The following PTK2 variants were observed in gnomAD, a reference collection of about 807,000 sequenced individuals.
PTK2 encodes protein tyrosine kinase 2, also known as focal adhesion kinase 1.
Under a neutral mutation model 150.1 loss-of-function variants are expected in PTK2, and 45 were observed. The observed-to-expected ratio is 0.30, with a 90% CI of 0.24 to 0.38. PTK2 has a LOEUF of 0.38. Among genes scored for constraint, PTK2 ranks in the 10% least tolerant of loss-of-function variants. The pLI, the probability that PTK2 is intolerant of heterozygous loss-of-function variation, is 1.00. For synonymous variants in PTK2, 432 were observed against 449.2 expected (o/e 0.96, Z 0.48); for missense variants, 919 against 1,307.3 (o/e 0.70, Z 4.58).
chr8:140,871,908 A>T (rs2100142743), intron 4 of PTK2, among the ~76,000 whole-genome samples: 1 of 152,022 alleles, frequency 6.6e-6, no homozygotes, highest in Non-Finnish European at 1.5e-5. Flanking sequence ...GATTTTCTTT[A>T]AAAAAATAAA....
intron 1 of PTK2, among the ~76,000 whole-genome samples, chr8:140,932,236 T>G (rs1442494852): frequency 6.6e-6 from 1 of 152,202 alleles, no homozygotes; most frequent in Admixed American, 6.5e-5. Flanking sequence ...TTTTTCTTTT[T>G]TTGAGATAAA....
chr8:140,708,929 C>T (rs1242551617), intron 23 of PTK2, among the ~76,000 whole-genome samples: 2 of 147,476 alleles, frequency 1.4e-5, no homozygotes, highest in African/African-American at 5.0e-5. Flanking sequence ...ATAAACAGAG[C>T]TGACAGTTGC....
At chr8:140,772,929 T>G (rs1395760267) in intron 14 of PTK2, among the ~76,000 whole-genome samples, 1 of 152,224 alleles carries the variant, frequency 6.6e-6, no homozygotes, top group Non-Finnish European at 1.5e-5. Context: ...ATTCTGACCT[T>G]GGATACACTG....
intron 31 of PTK2, 41 bp from the exon 36 acceptor site, chr8:140,659,719 AT>A (rs3835176): frequency 0.77 from 1,028,800 of 1,332,506 alleles, 387,565 homozygotes; most frequent in African/African-American, 0.84. Context: ...GTTTTCAGTG[AT>A]TTTTTTTTTT....
At chr8:140,790,668 TA>T (rs2100087897) in intron 13 of PTK2, among the ~76,000 whole-genome samples, 1 of 152,234 alleles carries the variant, frequency 6.6e-6, no homozygotes, top group Non-Finnish European at 1.5e-5. Flanking sequence ...TGAAACTGTA[TA>T]ATCTCTATAA....
intron 1 of PTK2, among the ~76,000 whole-genome samples, chr8:140,988,554 T>G (rs2100194258): frequency 6.6e-6 from 1 of 151,716 alleles, no homozygotes; most frequent in South Asian, 2.1e-4. Flanking sequence ...ACAGTAAAAC[T>G]CCATCTCTAC....
chr8:140,734,215 C>A (rs1226412197), intron 22 of PTK2, among the ~76,000 whole-genome samples: 2 of 152,050 alleles, frequency 1.3e-5, no homozygotes, highest in Admixed American at 6.6e-5. Context: ...AAAAACAAAC[C>A]CATAAAAACT....
At chr8:140,969,414 T>C (rs1341528995) in intron 1 of PTK2, among the ~76,000 whole-genome samples, 1 of 152,160 alleles carries the variant, frequency 6.6e-6, no homozygotes, top group Non-Finnish European at 1.5e-5. Flanking sequence ...TCACTAATTA[T>C]CTTCCCTTTA....
chr8:140,989,679 C>A (rs1032137927), intron 1 of PTK2, among the ~76,000 whole-genome samples: 13 of 152,000 alleles, frequency 8.6e-5, no homozygotes, highest in African/African-American at 3.1e-4. Context: ...GAGGCCGAGG[C>A]GGGCGGATCA....
At position 140,993,838 on chromosome 8, in the gene PTK2, T is replaced by A. The variant is rs1216071923; in HGVS notation, c.-122+7287A>T. Among the ~76,000 whole-genome samples the A allele has an allele frequency of 2.6e-5, 4 of 152,192 alleles. No homozygotes were observed. In the East Asian group the frequency reaches 7.7e-4, roughly 29 times the overall value. ...TCGACCTCCCAGACTCAAGTGATCCTCCCACCTCAGCTTCCCAGGTAGCTG... is the reference window on the plus strand; with the variant it reads ...TCGACCTCCCAGACTCAAGTGATCCACCCACCTCAGCTTCCCAGGTAGCTG... On this transcript the variant is annotated intron_variant, in intron 1 of 31. Transcript: ENST00000522684.
At position 140,764,018 on chromosome 8, in the gene PTK2, C is replaced by A. The variant is rs182017115; in HGVS notation, c.1234+216G>T. The A allele has an allele frequency of 1.5e-3, 881 of 579,778 alleles. 1 individual carries two copies. Among genetic ancestry groups the A allele is most frequent in the Non-Finnish European group, 2.2e-3 (719 of 328,332 alleles). The allele number at this position is 579,778 out of a possible 1,614,324, so 35.9% of individuals were successfully genotyped here. On this transcript the variant is annotated intron_variant, in intron 15 of 31. Coordinates refer to ENST00000522684, the Ensembl canonical transcript of PTK2. ...AAACAAGATTACAAAAATCCTGTAA[C>A]TAAAAATTATTACAGATATTTGAGT...
chr8:140,661,589 T>C (rs563814327), intron 31 of PTK2, among the ~76,000 whole-genome samples: 1 of 152,246 alleles, frequency 6.6e-6, no homozygotes, highest in Admixed American at 6.5e-5. Context: ...TCTATGAGAA[T>C]GAGAAGAACT....
At chr8:140,790,894 C>A (rs2100088031) in intron 13 of PTK2, among the ~76,000 whole-genome samples, 1 of 152,158 alleles carries the variant, frequency 6.6e-6, no homozygotes, top group African/African-American at 2.4e-5. Flanking sequence ...TAAATTACAT[C>A]ATTTCCTTCC....
At chr8:140,712,127 C>G (rs1362516503) in intron 23 of PTK2, among the ~76,000 whole-genome samples, 4 of 151,764 alleles carry the variant, frequency 2.6e-5, no homozygotes, top group African/African-American at 7.3e-5. Context: ...AACACTCATA[C>G]TGTTAGAAAT....
intron 22 of PTK2, among the ~76,000 whole-genome samples, chr8:140,720,054 TG>T (rs947385708): frequency 1.3e-5 from 2 of 152,068 alleles, no homozygotes; most frequent in African/African-American, 4.8e-5. Context: ...TCCCAGGCAC[TG>T]GGGGTGGTTT....
intron 26 of PTK2, among the ~76,000 whole-genome samples, chr8:140,687,545 C>A (rs1287305830): frequency 6.6e-6 from 1 of 152,210 alleles, no homozygotes; most frequent in Non-Finnish European, 1.5e-5. Context: ...TCTGATTCGT[C>A]TGTGTATCTC....
chr8:140,714,740 T>A (rs927222273), intron 23 of PTK2, among the ~76,000 whole-genome samples: 1 of 123,410 alleles, frequency 8.1e-6, no homozygotes, highest in African/African-American at 3.1e-5. Context: ...GAGGTTGCAA[T>A]GAGCCAAGAT....
chr8:140,685,057 T>C (rs940873266), intron 27 of PTK2, among the ~76,000 whole-genome samples: 3 of 152,164 alleles, frequency 2.0e-5, no homozygotes, highest in South Asian at 4.2e-4. Flanking sequence ...CACAGACCAA[T>C]AGAACAGAAT....
chr8:140,828,190 G>A (rs2100113086), intron 8 of PTK2, among the ~76,000 whole-genome samples: 1 of 151,510 alleles, frequency 6.6e-6, no homozygotes, highest in Non-Finnish European at 1.5e-5. Flanking sequence ...AAAAGAGAAA[G>A]TAGAATTAAA....
Sources: allele counts gnomAD v4.1 joint callset (sites outside exome capture counted in the v4.1 genomes callset), GRCh38; gene constraint gnomAD v4.1.1; transcripts MANE v1.5; gene names NCBI Gene and HGNC (gene_info 2026-07-23, HGNC 2026-07-21).